ANO3: variants seen among roughly 807,000 people sequenced by gnomAD.
The protein encoded by ANO3 is anoctamin-3.
Under a neutral mutation model 144.8 loss-of-function variants are expected in ANO3, and 99 were observed. The observed-to-expected ratio is 0.68, with a 90% CI of 0.58 to 0.81. The LOEUF is 0.81. Among genes scored for constraint, ANO3 ranks in the 30% least tolerant of loss-of-function variants. The pLI, the probability that ANO3 is intolerant of heterozygous loss-of-function variation, is 0.00. For synonymous variants in ANO3, 414 were observed against 392.6 expected (o/e 1.05, Z -0.64); for missense variants, 905 against 1,202.2 (o/e 0.75, Z 3.66).
At position 26,534,499 on chromosome 11, in the gene ANO3, C is replaced by A. The variant is rs774611643; in HGVS notation, c.913C>A (p.Arg305=). The change falls in exon 9 of 27, where the codon CGA becomes AGA. Residue 305 remains arginine (R), a synonymous_variant. Coordinates refer to ENST00000256737, the MANE Select transcript of ANO3 (RefSeq NM_031418.4). The stretch of plus-strand genomic sequence containing the variant: ...AGACACCTTCTTCAGCAATGCTACT[C>A]GAAGCAGAATAGTCTATCACATGCT... The part of the protein sequence containing the change: ...NKDTFFSNAT[R]SRIVYHMLER... The A allele has an allele frequency of 3.1e-6, 5 of 1,612,658 alleles. No homozygotes were observed. In the African/African-American group the frequency reaches 5.3e-5, roughly 17 times the overall value.
intron 17 of ANO3, among the ~76,000 whole-genome samples, chr11:26,607,146 A>C (rs1027902259): frequency 2.6e-5 from 4 of 152,204 alleles, no homozygotes; most frequent in Admixed American, 2.6e-4. Context: ...TTCAGCTGAG[A>C]GGTCCACTCA....
intron 4 of ANO3, among the ~76,000 whole-genome samples, chr11:26,493,751 T>A (rs999335523): frequency 6.6e-6 from 1 of 152,184 alleles, no homozygotes; most frequent in African/African-American, 2.4e-5. Context: ...TAACTTGGCC[T>A]TCCTTTCTCC....
At chr11:26,565,385 C>T (rs752688936) in intron 14 of ANO3, 3 of 1,613,030 alleles carry the variant, frequency 1.9e-6, no homozygotes, top group Non-Finnish European at 2.5e-6. Context: ...CAGGAGTTTT[C>T]ACGGTGTCAT....
At chr11:26,258,690 T>C (rs1484903367) in intron 1 of ANO3, among the ~76,000 whole-genome samples, 3 of 152,166 alleles carry the variant, frequency 2.0e-5, no homozygotes, top group Non-Finnish European at 4.4e-5. Context: ...CCTATCAAAT[T>C]TGAGTCTTAC....
intron 3 of ANO3, among the ~76,000 whole-genome samples, chr11:26,457,594 A>G (rs556126473): frequency 2.4e-4 from 37 of 152,244 alleles, no homozygotes; most frequent in African/African-American, 7.7e-4. Flanking sequence ...GAAATATTCT[A>G]TGGGAATATT....
chr11:26,300,854 TC>T (rs1423896254), intron 1 of ANO3, among the ~76,000 whole-genome samples: 39 of 143,312 alleles, frequency 2.7e-4, no homozygotes, highest in Non-Finnish European at 5.1e-4. Context: ...TTCTTTTTTT[TC>T]TTTTTTTTTT....
intron 1 of ANO3, among the ~76,000 whole-genome samples, chr11:26,355,088 T>C (rs1855744984): frequency 6.6e-6 from 1 of 151,980 alleles, no homozygotes; most frequent in African/African-American, 2.4e-5. Flanking sequence ...TTTTTAGCTT[T>C]CTGAACTAGT....
intron 1 of ANO3, among the ~76,000 whole-genome samples, chr11:26,236,993 T>G (rs1482560538): frequency 6.6e-6 from 1 of 152,158 alleles, no homozygotes; most frequent in African/African-American, 2.4e-5. Context: ...TTTCAACTAT[T>G]GAAGACTATC....
intron 1 of ANO3, among the ~76,000 whole-genome samples, chr11:26,409,065 T>C (rs1158407529): frequency 6.6e-6 from 1 of 151,460 alleles, no homozygotes; most frequent in African/African-American, 2.4e-5. Context: ...ACATGGCACA[T>C]GTATATACAT....
chr11:26,351,651 A>C (rs900285015), intron 1 of ANO3, among the ~76,000 whole-genome samples: 1 of 152,164 alleles, frequency 6.6e-6, no homozygotes, highest in African/African-American at 2.4e-5. Context: ...GAAGCAGCTG[A>C]ATTGGTTATA....
chr11:26,608,120 A>G (rs11606579), intron 17 of ANO3, among the ~76,000 whole-genome samples: 23,536 of 151,994 alleles, frequency 0.15, 2,104 homozygotes, highest in East Asian at 0.33. Flanking sequence ...GGGTTTTTGT[A>G]GGGACTTTTT....
intron 14 of ANO3, among the ~76,000 whole-genome samples, chr11:26,577,560 G>A (rs1354949462): frequency 5.2e-4 from 39 of 74,718 alleles, no homozygotes; most frequent in Admixed American, 2.6e-3. Context: ...GAGAGACTCC[G>A]TCTCAAAAAA....
At chr11:26,517,886 C>G (rs566896301) in intron 6 of ANO3, among the ~76,000 whole-genome samples, 1 of 152,098 alleles carries the variant, frequency 6.6e-6, no homozygotes, top group Non-Finnish European at 1.5e-5. Flanking sequence ...TCGAAAGATG[C>G]AACCATAGTC....
At chr11:26,512,983 A>G (rs958203353) in intron 5 of ANO3, among the ~76,000 whole-genome samples, 14 of 152,324 alleles carry the variant, frequency 9.2e-5, no homozygotes, top group Admixed American at 2.0e-4. Flanking sequence ...CCAGCACAGA[A>G]CTAGGTGCTA....
intron 1 of ANO3, among the ~76,000 whole-genome samples, chr11:26,441,076 G>GTTGGTGTCT (rs887936215): frequency 6.7e-6 from 1 of 148,846 alleles, no homozygotes; most frequent in African/African-American, 2.5e-5. Context: ...TAAGCACAGG[G>GTTGGTGTCT]TTGGTGTCTT....
At chr11:26,247,718 T>G (rs1016169572) in intron 1 of ANO3, among the ~76,000 whole-genome samples, 5 of 140,230 alleles carry the variant, frequency 3.6e-5, no homozygotes, top group African/African-American at 1.3e-4. Context: ...TAGCTGTAGC[T>G]CCAGTCACTT....
At position 26,647,846 on chromosome 11, in the gene ANO3, C is replaced by T. The variant is rs758947665; in HGVS notation, c.2566C>T (p.Pro856Ser). The change falls in exon 24 of 27, where the codon CCA becomes TCA. Residue 856 changes from proline to serine, a missense_variant. By Grantham distance (74) the Pro-to-Ser change is moderately conservative (BLOSUM62 -1). Around this residue, in one of 4 missense-constraint regions of ANO3, gnomAD observed 597 missense variants for 865.1 expected, o/e 0.69. Transcript: ENST00000256737. Reference sequence around the variant, plus strand: ...TGGCCCCTGTGCAAATCATGTAGAACCAAGTGAAAAGTAAGGTTTAAATTT... The same window carrying T: ...TGGCCCCTGTGCAAATCATGTAGAATCAAGTGAAAAGTAAGGTTTAAATTT... Reference protein sequence around the residue: ...KYGPCANHVEPSENCLKGYVN... With the variant: ...KYGPCANHVESSENCLKGYVN... 1.5e-5 allele frequency: 24 copies of T among 1,607,208 alleles called. No homozygotes were observed. The highest frequency in any genetic ancestry group is 1.7e-5 in the Non-Finnish European group (20 of 1,176,298).
At chr11:26,387,156 T>G (rs7935931) in intron 1 of ANO3, among the ~76,000 whole-genome samples, 2 of 145,740 alleles carry the variant, frequency 1.4e-5, no homozygotes, top group African/African-American at 2.5e-5. Context: ...TTTTTTTTAG[T>G]AGAGACAGGG....
intron 4 of ANO3, among the ~76,000 whole-genome samples, chr11:26,493,298 C>T (rs1860787644): frequency 6.6e-6 from 1 of 152,038 alleles, no homozygotes. Flanking sequence ...ATCTGGATTT[C>T]GTGAGATGTG....
Sources: gnomAD v4.1 joint callset for allele counts (sites outside exome capture counted in the v4.1 genomes callset) on GRCh38, gnomAD v4.1.1 for gene constraint, gnomAD v4.1.1 regional missense constraint, MANE v1.5 for transcripts, NCBI Gene and HGNC (gene_info 2026-07-23, HGNC 2026-07-21) for gene names.